PCSK6: variants seen among roughly 807,000 people sequenced by gnomAD.
PCSK6 encodes proprotein convertase subtilisin/kexin type 6.
A neutral mutation model predicts 123.3 loss-of-function variants in PCSK6; 85 were observed. The observed-to-expected ratio is 0.69, with a 90% CI of 0.58 to 0.83. The LOEUF is 0.83. Ranked by LOEUF, PCSK6 falls within the 40% of genes least tolerant of loss-of-function variation. The probability of loss-of-function intolerance (pLI) is 0.00; values close to 1 mark genes in which losing one functional copy is unlikely to be tolerated. For missense variants in PCSK6, 1,191 were observed against 1,282.3 expected, an observed-to-expected ratio of 0.93 and a Z score of 1.09; for synonymous variants, 508 against 516.0, an observed-to-expected ratio of 0.98 and a Z score of 0.21.
chr15:101,418,520 A>AATTT (rs1305478277), intron 6 of PCSK6, among the ~76,000 whole-genome samples: 1 of 136,576 alleles, frequency 7.3e-6, no homozygotes. Flanking sequence ...CCAATTTAGG[A>AATTT]TTTTTTTTTT....
At chr15:101,399,043 C>T (rs1392450841) in intron 6 of PCSK6, among the ~76,000 whole-genome samples, 1 of 152,166 alleles carries the variant, frequency 6.6e-6, no homozygotes, top group African/African-American at 2.4e-5. Flanking sequence ...GCTGGGACTA[C>T]AGGCACATAC....
At position 101,307,097 on chromosome 15, in the gene PCSK6, G is replaced by C. The variant is rs1271059023; in HGVS notation, c.2812+116C>G. 8 of 707,168 alleles carry C rather than the reference G, an allele frequency of 1.1e-5. No individual in the cohort carries two copies. The African/African-American group carries it at 1.2e-4, about 11-fold the overall frequency. 43.8% of individuals were successfully genotyped at this position (707,168 alleles called of 1,614,324 possible). On this transcript the variant is annotated intron_variant, in intron 21 of 21. Coordinates refer to ENST00000611716, the MANE Select transcript of PCSK6 (RefSeq NM_002570.5). ...AGACAGTCAATCGGATCAGGGGCAC[G>C]AACGCCTGTCTGTGGAGCCGCCATG... is the stretch of plus-strand genomic sequence containing the variant.
intron 1 of PCSK6, among the ~76,000 whole-genome samples, chr15:101,475,652 ATTT>A (rs35792381): frequency 3.3e-5 from 4 of 122,698 alleles, no homozygotes; most frequent in African/African-American, 9.5e-5. Context: ...CACTTGGCTA[ATTT>A]TTTTTTTTTT....
At chr15:101,326,275 G>A (rs2040250015) in intron 16 of PCSK6, 102 bp downstream of exon 16, 2 of 829,296 alleles carry the variant, frequency 2.4e-6, no homozygotes, top group Non-Finnish European at 3.9e-6. Flanking sequence ...GTTTGGGGGT[G>A]CTACGTTACT....
At chr15:101,364,657 A>C (rs1050839846) in intron 13 of PCSK6, among the ~76,000 whole-genome samples, 2 of 152,236 alleles carry the variant, frequency 1.3e-5, no homozygotes, top group African/African-American at 4.8e-5. Flanking sequence ...ACAAAATTAA[A>C]GAAGAGCTAA....
intron 6 of PCSK6, among the ~76,000 whole-genome samples, chr15:101,403,396 A>C (rs1342122929): frequency 6.7e-6 from 1 of 149,648 alleles, no homozygotes; most frequent in Non-Finnish European, 1.5e-5. Flanking sequence ...CATTGTGCAC[A>C]TGTACCCTAA....
chr15:101,469,601 C>G (rs973462296), intron 1 of PCSK6, among the ~76,000 whole-genome samples: 1 of 152,188 alleles, frequency 6.6e-6, no homozygotes, highest in Non-Finnish European at 1.5e-5. Context: ...GAAGAACATG[C>G]CAGGCAGGCG....
rs1466324587 is a variant in PCSK6, at chr15:101,318,793, C to T, written c.2466-371G>A. 3.3e-5 allele frequency among the ~76,000 whole-genome samples: 5 copies of T among 152,252 alleles called. No homozygotes were observed. The East Asian group carries it at 9.6e-4, about 29-fold the overall frequency. On this transcript the variant is annotated intron_variant, in intron 18 of 21. Coordinates refer to ENST00000611716, the MANE Select transcript of PCSK6 (RefSeq NM_002570.5). ...AGCTCAGTCTCAGTGTCAAGTCCCT[C>T]TTGAAGTGTTGGCATTTATGGCGTG...
At chr15:101,343,734 C>T (rs1220085085) in intron 13 of PCSK6, among the ~76,000 whole-genome samples, 4 of 152,180 alleles carry the variant, frequency 2.6e-5, no homozygotes, top group Non-Finnish European at 5.9e-5. Context: ...GGAAATCCAT[C>T]GAAGCTTGCC....
intron 10 of PCSK6, among the ~76,000 whole-genome samples, chr15:101,383,060 C>G (rs2041952771): frequency 6.6e-6 from 1 of 152,130 alleles, no homozygotes; most frequent in Admixed American, 6.6e-5. Context: ...AAAAATTCCT[C>G]CCTAACATAA....
At chr15:101,389,025 T>C (rs2042151385) in intron 9 of PCSK6, among the ~76,000 whole-genome samples, 1 of 152,134 alleles carries the variant, frequency 6.6e-6, no homozygotes, top group African/African-American at 2.4e-5. Flanking sequence ...GTAATTAACA[T>C]AAAATGAGAT....
At chr15:101,462,124 A>C (rs1234106656) in intron 1 of PCSK6, among the ~76,000 whole-genome samples, 1 of 151,946 alleles carries the variant, frequency 6.6e-6, no homozygotes, top group Non-Finnish European at 1.5e-5. Flanking sequence ...TATTGGAAGA[A>C]ATAAGGGACT....
chr15:101,326,970 C>A (rs1048824474), intron 15 of PCSK6, among the ~76,000 whole-genome samples: 4 of 152,148 alleles, frequency 2.6e-5, no homozygotes, highest in Non-Finnish European at 5.9e-5. Flanking sequence ...AGGTAGCCCC[C>A]CCGCAACTCG....
intron 13 of PCSK6, among the ~76,000 whole-genome samples, chr15:101,338,171 A>G (rs2040525821): frequency 6.6e-6 from 1 of 152,282 alleles, no homozygotes; most frequent in African/African-American, 2.4e-5. Context: ...CAAATCAGTT[A>G]CTTGATAAGA....
intron 1 of PCSK6, among the ~76,000 whole-genome samples, chr15:101,489,106 G>A (rs996785005): frequency 6.7e-6 from 1 of 148,504 alleles, no homozygotes; most frequent in African/African-American, 2.4e-5. Context: ...GCACTGCCGG[G>A]GGACTTGCGG....
chr15:101,473,187 T>C (rs892407722), intron 1 of PCSK6, among the ~76,000 whole-genome samples: 26 of 152,078 alleles, frequency 1.7e-4, no homozygotes, highest in Non-Finnish European at 2.8e-4. Flanking sequence ...AGCAATCCTC[T>C]GGCCTCAGCC....
chr15:101,407,807 A>T (rs2042823237), intron 6 of PCSK6, among the ~76,000 whole-genome samples: 1 of 152,180 alleles, frequency 6.6e-6, no homozygotes, highest in Admixed American at 6.5e-5. Flanking sequence ...AACTGGAACA[A>T]ACCACCTTTT....
intron 13 of PCSK6, among the ~76,000 whole-genome samples, chr15:101,343,362 A>C (rs1189302285): frequency 1.3e-5 from 2 of 151,964 alleles, no homozygotes; most frequent in Admixed American, 6.6e-5. Context: ...AATTTCTGCT[A>C]TTTTAAAAAT....
At chr15:101,388,018 A>C (rs1451880265) in intron 9 of PCSK6, among the ~76,000 whole-genome samples, 1 of 152,220 alleles carries the variant, frequency 6.6e-6, no homozygotes, top group African/African-American at 2.4e-5. Context: ...CTGAGCTTTC[A>C]CATGCCCACT....
Sources: gnomAD v4.1 joint callset for allele counts (sites outside exome capture counted in the v4.1 genomes callset) on GRCh38, gnomAD v4.1.1 for gene constraint, MANE v1.5 for transcripts, NCBI Gene and HGNC (gene_info 2026-07-23, HGNC 2026-07-21) for gene names.